The following WWOX variants were observed in gnomAD, a reference collection of about 807,000 sequenced individuals.
WWOX encodes WW domain-containing oxidoreductase.
In WWOX, 69 loss-of-function variants were observed where a neutral mutation model predicts 46.2. The observed-to-expected ratio is 1.49, with a 90% confidence interval of 1.23 to 1.82. The LOEUF is 1.82. WWOX is among the 40% of genes most tolerant of loss of function. WWOX has a pLI of 0.00. For missense variants in WWOX, 919 were observed against 542.6 expected, an observed-to-expected ratio of 1.69 and a Z score of -6.89; for synonymous variants, 359 against 202.6, an observed-to-expected ratio of 1.77 and a Z score of -6.56.
chr16:78,715,598 C>G (rs1168293001), intron 8 of WWOX, among the ~76,000 whole-genome samples: 4 of 152,042 alleles, frequency 2.6e-5, no homozygotes, highest in Non-Finnish European at 1.5e-5. Context: ...ATTCTCCTGC[C>G]TCAGCCGAGT....
At chr16:78,475,797 G>C (rs2084336317) in intron 8 of WWOX, among the ~76,000 whole-genome samples, 1 of 152,102 alleles carries the variant, frequency 6.6e-6, no homozygotes. Flanking sequence ...GTTTCACCAT[G>C]TTAGCCAGGC....
intron 8 of WWOX, among the ~76,000 whole-genome samples, chr16:78,755,932 C>A (rs950230031): frequency 6.6e-6 from 1 of 152,180 alleles, no homozygotes; most frequent in African/African-American, 2.4e-5. Flanking sequence ...ATGAGAAGAA[C>A]ATATGCCAAG....
At chr16:79,179,098 G>A (rs564572469) in intron 8 of WWOX, among the ~76,000 whole-genome samples, 136 of 152,256 alleles carry the variant, frequency 8.9e-4, no homozygotes, top group African/African-American at 3.0e-3. Flanking sequence ...TCCTGCTAAG[G>A]ACACATGGGG....
intron 8 of WWOX, among the ~76,000 whole-genome samples, chr16:78,957,827 G>C (rs1361812699): frequency 6.6e-6 from 1 of 152,146 alleles, no homozygotes; most frequent in East Asian, 1.9e-4. Flanking sequence ...GCGCTGGTGC[G>C]GCTGGCCCAC....
chr16:78,224,463 C>T (rs754979096), intron 5 of WWOX, among the ~76,000 whole-genome samples: 5 of 150,782 alleles, frequency 3.3e-5, no homozygotes, highest in African/African-American at 4.9e-5. Flanking sequence ...TGCCTTTTTT[C>T]ATGTAATAGT....
chr16:78,538,296 G>A (rs1168791727), intron 8 of WWOX, among the ~76,000 whole-genome samples: 1 of 151,470 alleles, frequency 6.6e-6, no homozygotes, highest in African/African-American at 2.4e-5. Flanking sequence ...TTGGATGTCT[G>A]GGGTTGCACC....
chr16:78,619,966 G>A (rs2046137689), intron 8 of WWOX, among the ~76,000 whole-genome samples: 1 of 152,108 alleles, frequency 6.6e-6, no homozygotes, highest in South Asian at 2.1e-4. Flanking sequence ...CTTTATCTGA[G>A]TTCCTGTAGC....
intron 8 of WWOX, among the ~76,000 whole-genome samples, chr16:78,738,419 A>G (rs2049138579): frequency 6.6e-6 from 1 of 152,198 alleles, no homozygotes; most frequent in Non-Finnish European, 1.5e-5. Context: ...GGGTTTTACA[A>G]AGGAAAATCT....
At chr16:78,509,099 C>G (rs2085292727) in intron 8 of WWOX, among the ~76,000 whole-genome samples, 1 of 152,212 alleles carries the variant, frequency 6.6e-6, no homozygotes, top group African/African-American at 2.4e-5. Context: ...GTGAGGCCCT[C>G]CCTTCGTGTA....
chr16:78,660,727 G>A (rs1002003720), intron 8 of WWOX, among the ~76,000 whole-genome samples: 1 of 152,104 alleles, frequency 6.6e-6, no homozygotes, highest in South Asian at 2.1e-4. Flanking sequence ...TCCAAAAGAG[G>A]CAGCCATCAT....
At chr16:78,154,177 A>G (rs567738597) in intron 4 of WWOX, among the ~76,000 whole-genome samples, 29 of 151,950 alleles carry the variant, frequency 1.9e-4, no homozygotes, top group Admixed American at 3.9e-4. Flanking sequence ...GGCTTTGTAG[A>G]TTTTTTTTGC....
At chr16:78,943,604 G>A (rs533708558) in intron 8 of WWOX, among the ~76,000 whole-genome samples, 36 of 152,284 alleles carry the variant, frequency 2.4e-4, no homozygotes, top group Admixed American at 3.9e-4. Context: ...AATAGAGGGC[G>A]ATGGCTCCAC....
At chr16:78,174,654 A>C (rs1235393485) in intron 5 of WWOX, among the ~76,000 whole-genome samples, 1 of 152,184 alleles carries the variant, frequency 6.6e-6, no homozygotes, top group African/African-American at 2.4e-5. Flanking sequence ...GGAAGTAGCC[A>C]CTTCTTTCCT....
intron 8 of WWOX, among the ~76,000 whole-genome samples, chr16:78,484,951 C>T (rs182927515): frequency 3.1e-4 from 47 of 152,176 alleles, no homozygotes; most frequent in Non-Finnish European, 7.4e-5. Flanking sequence ...AGCCTGTGTA[C>T]CTGGCAAGGC....
intron 4 of WWOX, among the ~76,000 whole-genome samples, chr16:78,131,421 C>G (rs1567589172): frequency 6.6e-6 from 1 of 152,008 alleles, no homozygotes; most frequent in Admixed American, 6.6e-5. Flanking sequence ...TGCTATGTTG[C>G]CCATGCTGGT....
intron 8 of WWOX, among the ~76,000 whole-genome samples, chr16:78,629,617 C>T (rs2046382308): frequency 6.6e-6 from 1 of 152,162 alleles, no homozygotes. Flanking sequence ...TACCACTTTC[C>T]CCAGAAACCT....
intron 4 of WWOX, among the ~76,000 whole-genome samples, chr16:78,133,462 TG>T (rs1369562024): frequency 6.6e-6 from 1 of 152,204 alleles, no homozygotes; most frequent in African/African-American, 2.4e-5. Flanking sequence ...GGTTTCACCA[TG>T]TTGGCCAGGC....
At chr16:78,414,609 C>G (rs1228859357) in intron 6 of WWOX, among the ~76,000 whole-genome samples, 1 of 152,112 alleles carries the variant, frequency 6.6e-6, no homozygotes. Flanking sequence ...AAAGACATCT[C>G]AAAAGCCAAT....
At chr16:78,793,877 A>G (rs941198022) in intron 8 of WWOX, among the ~76,000 whole-genome samples, 1 of 151,658 alleles carries the variant, frequency 6.6e-6, no homozygotes, top group African/African-American at 2.4e-5. Context: ...GGAGTTCAAG[A>G]CCTCCTCATC....
Sources: gnomAD v4.1 joint callset for allele counts (sites outside exome capture counted in the v4.1 genomes callset) on GRCh38, gnomAD v4.1.1 for gene constraint, MANE v1.5 for transcripts, NCBI Gene and HGNC (gene_info 2026-07-23, HGNC 2026-07-21) for gene names.